The following HOATZ variants were observed in gnomAD, a reference collection of about 807,000 sequenced individuals.
HOATZ encodes HOATZ cilia and flagella associated protein.
HOATZ carries 26 observed loss-of-function variants against 24.9 expected under a neutral mutation model. That is an observed-to-expected ratio of 1.04 (90% confidence interval 0.76 to 1.45). The LOEUF (loss-of-function observed/expected upper bound fraction) is 1.45. Ranked by LOEUF, HOATZ falls within the 40% of genes most tolerant of loss-of-function variation. HOATZ has a pLI of 0.00. For missense variants in HOATZ, 226 were observed against 201.5 expected (o/e 1.12, Z -0.74); for synonymous variants, 83 against 76.6 (o/e 1.08, Z -0.43).
intron 4 of HOATZ, 48 bp downstream of exon 4, chr11:111,533,853 T>C: frequency 7.2e-7 from 1 of 1,392,860 alleles, no homozygotes; most frequent in Non-Finnish European, 9.7e-7. Flanking sequence ...AGTGGATGAA[T>C]TGTGGCAAAT....
chr11:111,519,092 C>A (rs778210362), intron 3 of HOATZ: 10 of 453,154 alleles, frequency 2.2e-5, no homozygotes, highest in Non-Finnish European at 3.5e-5. Context: ...ATTTGTGTGA[C>A]CTTGAGCAAG....
At chr11:111,522,312 C>T (rs1867278741) in intron 3 of HOATZ, among the ~76,000 whole-genome samples, 1 of 152,170 alleles carries the variant, frequency 6.6e-6, no homozygotes, top group African/African-American at 2.4e-5. Context: ...GTTCCAGTTA[C>T]ATGAATCCTT....
chr11:111,529,720 A>G (rs994603306), intron 3 of HOATZ, among the ~76,000 whole-genome samples: 2 of 152,150 alleles, frequency 1.3e-5, no homozygotes, highest in Non-Finnish European at 2.9e-5. Flanking sequence ...TCCACGAAAG[A>G]AATGCAGTTT....
At chr11:111,527,712 T>C (rs1030556080) in intron 3 of HOATZ, among the ~76,000 whole-genome samples, 8 of 152,264 alleles carry the variant, frequency 5.3e-5, no homozygotes, top group Admixed American at 2.0e-4. Flanking sequence ...AGAATCAACA[T>C]AGCAGATTTC....
At chr11:111,520,583 A>G (rs1867257845) in intron 3 of HOATZ, among the ~76,000 whole-genome samples, 1 of 152,254 alleles carries the variant, frequency 6.6e-6, no homozygotes, top group Non-Finnish European at 1.5e-5. Flanking sequence ...GAAGCAAGTC[A>G]TGCTACAATG....
In HOATZ at chr11:111,528,847, GT is replaced by G. The variant is rs1361169232; in HGVS notation, c.340-4896del. ...GTGCATGTGTCTGAAGTCTGTGTGT[GT>G]TTGAAGTCTGTGTGTTTGAAGTGTG... On this transcript the variant is annotated intron_variant, in intron 3 of 5. Transcript: ENST00000375618. Among the ~76,000 whole-genome samples, 14 of 152,258 alleles carry G rather than the reference GT, an allele frequency of 9.2e-5. No individual in the cohort carries two copies. The South Asian group carries it at 2.1e-3, about 23-fold the overall frequency.
At chr11:111,524,899 T>C (rs775314360) in intron 3 of HOATZ, 10 of 447,732 alleles carry the variant, frequency 2.2e-5, no homozygotes, top group Non-Finnish European at 4.0e-5. Context: ...TCTCACTCTG[T>C]CACCCAGAAT....
At chr11:111,517,491 T>TA (rs1348063400) in intron 3 of HOATZ, among the ~76,000 whole-genome samples, 6 of 152,192 alleles carry the variant, frequency 3.9e-5, no homozygotes, top group African/African-American at 1.4e-4. Flanking sequence ...AGAACTGGAT[T>TA]CCTTGTCTTG....
At chr11:111,529,364 A>G (rs568475410) in intron 3 of HOATZ, among the ~76,000 whole-genome samples, 1 of 152,022 alleles carries the variant, frequency 6.6e-6, no homozygotes, top group Non-Finnish European at 1.5e-5. Context: ...ATTTTCTCTT[A>G]ATCTTTTTCT....
intron 3 of HOATZ, among the ~76,000 whole-genome samples, chr11:111,521,796 C>T (rs1867271595): frequency 6.6e-6 from 1 of 152,128 alleles, no homozygotes; most frequent in Non-Finnish European, 1.5e-5. Context: ...TTTATATCAT[C>T]CATAAGTACC....
At position 111,537,002 on chromosome 11, in the gene HOATZ, A is replaced by G. The variant is rs1403579782; in HGVS notation, c.*175A>G. On this transcript the variant is annotated 3_prime_UTR_variant, in exon 6 of 6. Coordinates refer to ENST00000375618, the MANE Select transcript of HOATZ (RefSeq NM_001100388.2). ...TTAGTGAGTACTTGTGTTAAAATAA[A>G]GAAATAAAGGTTAAATATGCAGGCT... The G allele has an allele frequency of 7.0e-6, 4 of 575,256 alleles. No homozygotes were observed. In the East Asian group the frequency reaches 1.1e-4, roughly 16 times the overall value. The allele number at this position is 575,256 out of a possible 1,614,324, so 35.6% of individuals were successfully genotyped here.
chr11:111,529,897 T>G (rs114593110), intron 3 of HOATZ, among the ~76,000 whole-genome samples: 1,809 of 152,282 alleles, frequency 0.012, 47 homozygotes, highest in African/African-American at 0.041. Context: ...AAATCATATC[T>G]TTAACATCTC....
chr11:111,537,029 C>G lies in HOATZ; in HGVS notation c.*202C>G. The G allele has an allele frequency of 1.9e-6, 1 of 521,574 alleles. No homozygotes were observed. Among genetic ancestry groups the G allele is most frequent in the Non-Finnish European group, 3.4e-6 (1 of 290,778 alleles). The allele number at this position is 521,574 out of a possible 1,614,324, so 32.3% of individuals were successfully genotyped here. On this transcript the variant is annotated 3_prime_UTR_variant, in exon 6 of 6. Transcript: ENST00000375618. ...AAATAAAGGTTAAATATGCAGGCTT[C>G]TATGAATTCTACCAGCTATTGAATA...
chr11:111,536,973 C>A lies in HOATZ; in HGVS notation c.*146C>A. ...AATACGCAGACTTCCAGGAATTTTA[C>A]CAGTTAGTGAGTACTTGTGTTAAAA... On this transcript the variant is annotated 3_prime_UTR_variant, in exon 6 of 6. Coordinates refer to ENST00000375618, the MANE Select transcript of HOATZ (RefSeq NM_001100388.2). 1.6e-6 allele frequency: 1 copy of A among 637,328 alleles called. No homozygotes were observed. The highest frequency in any genetic ancestry group is 2.8e-6 in the Non-Finnish European group (1 of 358,032). 39.5% of individuals were successfully genotyped at this position (637,328 alleles called of 1,614,324 possible).
chr11:111,515,531 T>C lies in HOATZ; in HGVS notation c.247T>C (p.Ser83Pro). 6.2e-7 allele frequency: 1 copy of C among 1,613,684 alleles called. No individual in the cohort carries two copies. Among genetic ancestry groups the C allele is most frequent in the South Asian group, 1.1e-5 (1 of 91,066 alleles). ...RGSENSHSSQ[S>P]FHLASNKNRD... Reference sequence around the variant, plus strand: ...TTTAGAAAACAGCCACTCCTCGCAGTCTTTTCACCTTGCGAGTAACAGTAA... The same window carrying C: ...TTTAGAAAACAGCCACTCCTCGCAGCCTTTTCACCTTGCGAGTAACAGTAA... Residue 83 changes from serine (S) to proline (P), a missense_variant, in exon 2 of 6, where the codon TCT becomes CCT. Physicochemically the swap from Ser to Pro is moderately conservative, Grantham distance 74. Transcript: ENST00000375618.
intron 3 of HOATZ, among the ~76,000 whole-genome samples, chr11:111,525,909 C>A (rs1356304448): frequency 6.6e-6 from 1 of 152,168 alleles, no homozygotes; most frequent in Non-Finnish European, 1.5e-5. Context: ...GAACTCTGCC[C>A]TTATATGAAA....
At chr11:111,530,420 A>G (rs1005174950) in intron 3 of HOATZ, among the ~76,000 whole-genome samples, 1 of 152,246 alleles carries the variant, frequency 6.6e-6, no homozygotes, top group Non-Finnish European at 1.5e-5. Context: ...AAAAGAGAGA[A>G]CCAGACAATT....
Position 111,536,965 on chromosome 11 carries a change from G to A in HOATZ, c.*138G>A. 1.5e-6 allele frequency: 1 copy of A among 665,230 alleles called. No homozygotes were observed. The highest frequency in any genetic ancestry group is 1.9e-5 in the South Asian group (1 of 53,066). 41.2% of individuals were successfully genotyped at this position (665,230 alleles called of 1,614,324 possible). A position where few individuals can be genotyped will look rare whatever the true frequency, so the allele number is the denominator to read the frequency against. On this transcript the variant is annotated 3_prime_UTR_variant, in exon 6 of 6. Coordinates refer to ENST00000375618, the MANE Select transcript of HOATZ (RefSeq NM_001100388.2). ...ACAAGTTAAATACGCAGACTTCCAG[G>A]AATTTTACCAGTTAGTGAGTACTTG... is the stretch of plus-strand genomic sequence containing the variant.
Position 111,535,559 on chromosome 11 carries a change from C to A in HOATZ, c.452+1095C>A, listed in dbSNP as rs530763101. On this transcript the variant is annotated intron_variant, in intron 5 of 5. Coordinates refer to ENST00000375618, the MANE Select transcript of HOATZ (RefSeq NM_001100388.2). ...ATTCTCTTAATAATTTAAATGCTTA[C>A]TTAATTCCTTTTGTAAACTAACTTT... 3.3e-5 allele frequency: 5 copies of A among 152,324 alleles called. No individual in the cohort carries two copies. The South Asian group carries it at 1.0e-3, about 32-fold the overall frequency. The allele number at this position is 152,324 out of a possible 1,614,324, so 9.4% of individuals were successfully genotyped here.
Sources: allele counts gnomAD v4.1 joint callset (sites outside exome capture counted in the v4.1 genomes callset), GRCh38; gene constraint gnomAD v4.1.1; transcripts MANE v1.5; gene names NCBI Gene and HGNC (gene_info 2026-07-23, HGNC 2026-07-21).